Variants in CNTN5 observed in about 807,000 individuals in gnomAD.
CNTN5 encodes the protein contactin-5.
In CNTN5, 77 loss-of-function variants were observed where a neutral mutation model predicts 129.1. The observed-to-expected ratio is 0.60, with a 90% CI of 0.50 to 0.72. The LOEUF (loss-of-function observed/expected upper bound fraction) is 0.72. CNTN5 is among the 30% of genes least tolerant of loss of function. CNTN5 has a pLI of 0.00. For synonymous variants in CNTN5, 509 were observed against 465.6 expected (o/e 1.09, Z -1.20); for missense variants, 1,478 against 1,328.8 (o/e 1.11, Z -1.75).
chr11:99,577,069 A>C (rs544052925), intron 3 of CNTN5, among the ~76,000 whole-genome samples: 1 of 152,214 alleles, frequency 6.6e-6, no homozygotes, highest in East Asian at 1.9e-4. Flanking sequence ...GTTTCGGTAG[A>C]GGTCTTTATT....
At chr11:99,400,781 G>T (rs959388802) in intron 2 of CNTN5, among the ~76,000 whole-genome samples, 2 of 152,076 alleles carry the variant, frequency 1.3e-5, no homozygotes, top group Non-Finnish European at 2.9e-5. Flanking sequence ...TTTAACTGGG[G>T]TGAGATGATA....
rs892188541 is a variant in CNTN5, at chr11:99,565,202, C to A, written c.55+8933C>A. On this transcript the variant is annotated intron_variant, in intron 3 of 24. Transcript: ENST00000524871. The stretch of plus-strand genomic sequence containing the variant: ...AAGCCCCTAGAAGCCGCCTCATAAC[C>A]AAGGACTTTCCACCTTTCCCTTGTT... Among the ~76,000 whole-genome samples the A allele has an allele frequency of 7.9e-5, 12 of 152,216 alleles. 1 individual carries two copies. Among genetic ancestry groups the A allele is most frequent in the Admixed American group, 3.9e-4 (6 of 15,274 alleles).
At chr11:100,064,397 C>G (rs1016618252) in intron 10 of CNTN5, among the ~76,000 whole-genome samples, 1 of 152,048 alleles carries the variant, frequency 6.6e-6, no homozygotes, top group African/African-American at 2.4e-5. Context: ...AATTCAGTAT[C>G]TACATTGTAA....
intron 13 of CNTN5, among the ~76,000 whole-genome samples, chr11:100,088,023 T>A (rs1309087542): frequency 6.8e-6 from 1 of 146,216 alleles, no homozygotes; most frequent in Non-Finnish European, 1.5e-5. Flanking sequence ...AGTAAAACAA[T>A]AAAATTAAGG....
intron 2 of CNTN5, among the ~76,000 whole-genome samples, chr11:99,369,442 C>A (rs1410880467): frequency 6.6e-6 from 1 of 151,186 alleles, no homozygotes; most frequent in African/African-American, 2.4e-5. Context: ...TACCAGTTTT[C>A]CAACAGTAAT....
intron 1 of CNTN5, among the ~76,000 whole-genome samples, chr11:99,307,939 A>T (rs1864946060): frequency 6.6e-6 from 1 of 152,186 alleles, no homozygotes; most frequent in Non-Finnish European, 1.5e-5. Flanking sequence ...AACTAAATCA[A>T]TGTTCAAATA....
At position 99,643,064 on chromosome 11, in the gene CNTN5, A is replaced by T. The variant is rs141166166; in HGVS notation, c.55+86795A>T. Among the ~76,000 whole-genome samples the T allele has an allele frequency of 2.0e-3, 298 of 152,322 alleles. 1 individual carries two copies. Among genetic ancestry groups the T allele is most frequent in the African/African-American group, 6.0e-3 (251 of 41,582 alleles). ...TGAATAGTACAGCAATAACACAGGA[A>T]TACAGATATCTCTGTGGAACACTGA... On this transcript the variant is annotated intron_variant, in intron 3 of 24. Transcript: ENST00000524871.
At chr11:99,814,691 G>A (rs1946528130) in intron 3 of CNTN5, among the ~76,000 whole-genome samples, 1 of 152,092 alleles carries the variant, frequency 6.6e-6, no homozygotes, top group Non-Finnish European at 1.5e-5. Context: ...GGAAATGAGA[G>A]CAGGGTGAAA....
intron 13 of CNTN5, among the ~76,000 whole-genome samples, chr11:100,190,618 T>G (rs989074671): frequency 6.6e-6 from 1 of 152,264 alleles, no homozygotes; most frequent in Admixed American, 6.5e-5. Flanking sequence ...GGTTGCATTT[T>G]CATACTCTTG....
At chr11:99,961,227 A>G (rs1307690145) in intron 8 of CNTN5, among the ~76,000 whole-genome samples, 1 of 149,980 alleles carries the variant, frequency 6.7e-6, no homozygotes, top group South Asian at 2.1e-4. Context: ...AAAAAAAAAC[A>G]GTAGAATATA....
chr11:99,831,719 G>T (rs1405967467), intron 4 of CNTN5, among the ~76,000 whole-genome samples: 1 of 152,062 alleles, frequency 6.6e-6, no homozygotes, highest in East Asian at 1.9e-4. Flanking sequence ...ACTTCTCATT[G>T]CATGTCACAA....
intron 3 of CNTN5, among the ~76,000 whole-genome samples, chr11:99,671,070 C>G (rs1280824538): frequency 6.6e-6 from 1 of 151,800 alleles, no homozygotes; most frequent in South Asian, 2.1e-4. Context: ...TGCACGTGCT[C>G]TCTCTCGCTT....
chr11:100,121,377 G>C (rs1180629664), intron 13 of CNTN5, among the ~76,000 whole-genome samples: 1 of 151,958 alleles, frequency 6.6e-6, no homozygotes, highest in Admixed American at 6.6e-5. Context: ...TGTGGGTTTT[G>C]ATAATGAAAA....
intron 1 of CNTN5, among the ~76,000 whole-genome samples, chr11:99,251,158 A>T (rs964550472): frequency 3.3e-5 from 5 of 151,954 alleles, no homozygotes; most frequent in African/African-American, 4.8e-5. Flanking sequence ...CATATTGGAA[A>T]CAAAAGTCAT....
At chr11:99,243,736 A>ATTT (rs35250111) in intron 1 of CNTN5, among the ~76,000 whole-genome samples, 278 of 117,660 alleles carry the variant, frequency 2.4e-3, no homozygotes, top group Non-Finnish European at 2.8e-3. Context: ...CCTATTGCTT[A>ATTT]TTTTTTTTTT....
chr11:99,930,175 T>C (rs1398495187), intron 7 of CNTN5, among the ~76,000 whole-genome samples: 1 of 152,146 alleles, frequency 6.6e-6, no homozygotes, highest in Non-Finnish European at 1.5e-5. Context: ...TAGAGCAGTT[T>C]TCCCTTGCCA....
At chr11:99,109,428 C>CT (rs1020449787) in intron 1 of CNTN5, among the ~76,000 whole-genome samples, 19 of 151,532 alleles carry the variant, frequency 1.3e-4, no homozygotes, top group Admixed American at 6.6e-4. Context: ...TATTTTTATA[C>CT]TTTTTTTTGC....
chr11:99,920,337 T>C (rs920889551), intron 7 of CNTN5, among the ~76,000 whole-genome samples: 2 of 152,194 alleles, frequency 1.3e-5, no homozygotes, highest in African/African-American at 4.8e-5. Flanking sequence ...ATCTCCTTAA[T>C]AAACTCACAC....
chr11:99,551,178 A>AT (rs1404804405), intron 2 of CNTN5, among the ~76,000 whole-genome samples: 3 of 152,034 alleles, frequency 2.0e-5, no homozygotes, highest in Non-Finnish European at 4.4e-5. Flanking sequence ...AAAAGAAATC[A>AT]TTTTTTCCAC....
Sources: allele counts gnomAD v4.1 joint callset (sites outside exome capture counted in the v4.1 genomes callset), GRCh38; gene constraint gnomAD v4.1.1; transcripts MANE v1.5; gene names NCBI Gene and HGNC (gene_info 2026-07-23, HGNC 2026-07-21).